The following CAPZB variants were observed in gnomAD, a reference collection of about 807,000 sequenced individuals.
CAPZB encodes the protein F-actin-capping protein subunit beta.
Under a neutral mutation model 38.1 loss-of-function variants are expected in CAPZB, and 2 were observed. That is an observed-to-expected ratio of 0.05 (90% CI 0.02 to 0.17). CAPZB has a LOEUF of 0.17. Ranked by LOEUF, CAPZB falls within the 10% of genes least tolerant of loss-of-function variation. The pLI is 1.00. For synonymous variants in CAPZB, 107 were observed against 127.4 expected (o/e 0.84, Z 1.08); for missense variants, 161 against 334.2 (o/e 0.48, Z 4.04).
intron 1 of CAPZB, among the ~76,000 whole-genome samples, chr1:19,440,782 C>T (rs1005985025): frequency 1.9e-4 from 29 of 152,200 alleles, no homozygotes; most frequent in Admixed American, 1.8e-3. Context: ...GCTGCTAGGC[C>T]GGGCGCGGTG....
intron 4 of CAPZB, among the ~76,000 whole-genome samples, chr1:19,371,020 C>T (rs2094117000): frequency 6.6e-6 from 1 of 152,214 alleles, no homozygotes; most frequent in Non-Finnish European, 1.5e-5. Flanking sequence ...ATGACACCAT[C>T]CCCGGCAGGT....
intron 1 of CAPZB, among the ~76,000 whole-genome samples, chr1:19,461,514 GA>G (rs1321453082): frequency 2.0e-5 from 3 of 152,210 alleles, no homozygotes; most frequent in Admixed American, 2.0e-4. Context: ...GAATATGCAT[GA>G]GGGGCATGAG....
chr1:19,447,272 CTT>C (rs35692222), intron 1 of CAPZB, among the ~76,000 whole-genome samples: 5 of 74,872 alleles, frequency 6.7e-5, no homozygotes, highest in Admixed American at 3.8e-4. Flanking sequence ...CAGACCTAAT[CTT>C]TTTTTTTTTT....
intron 1 of CAPZB, among the ~76,000 whole-genome samples, chr1:19,431,922 T>G (rs1374935697): frequency 6.7e-6 from 1 of 148,158 alleles, no homozygotes; most frequent in Non-Finnish European, 1.5e-5. Flanking sequence ...ACAAAAAACT[T>G]TTTAAATTAG....
intron 2 of CAPZB, among the ~76,000 whole-genome samples, chr1:19,398,392 GC>G (rs1349520976): frequency 6.6e-6 from 1 of 152,196 alleles, no homozygotes; most frequent in East Asian, 1.9e-4. Context: ...CGGAGGTCTG[GC>G]TTCCTCCAAC....
intron 2 of CAPZB, among the ~76,000 whole-genome samples, chr1:19,416,165 T>C (rs1193717164): frequency 6.6e-6 from 1 of 152,250 alleles, no homozygotes; most frequent in Non-Finnish European, 1.5e-5. Flanking sequence ...GTCTAGTTCT[T>C]GCTTTTAAAT....
At chr1:19,414,611 G>C (rs565377352) in intron 2 of CAPZB, among the ~76,000 whole-genome samples, 3 of 152,314 alleles carry the variant, frequency 2.0e-5, no homozygotes, top group African/African-American at 7.2e-5. Flanking sequence ...GCTATTTTTG[G>C]TTTGCTCTTA....
Position 19,356,768 on chromosome 1 carries a change from G to A in CAPZB, c.472-17C>T, listed in dbSNP as rs868786703. On this transcript the variant is annotated splice_polypyrimidine_tract_variant and intron_variant, in intron 5 of 8. Coordinates refer to ENST00000264202, the MANE Select transcript of CAPZB (RefSeq NM_004930.5). The surrounding 1 kb of genome is among the most constrained non-coding windows in gnomAD (Gnocchi z 4.3). The stretch of plus-strand genomic sequence containing the variant: ...GGATTTCTCCTGGAAGGACAAGACA[G>A]AGATCTGTTGAGCTGAGGGAGAGCC... 6.4e-7 allele frequency: 1 copy of A among 1,569,190 alleles called. No individual in the cohort carries two copies. The highest frequency in any genetic ancestry group is 1.1e-5 in the South Asian group (1 of 89,938).
chr1:19,485,529 G>C lies in CAPZB; in HGVS notation c.-91C>G. ...GCGCTTCCACTTCCCCGGGTGCCCAGGAGTGAACATCCGGGTCAGCACCCC... is the reference window on the plus strand; with the variant it reads ...GCGCTTCCACTTCCCCGGGTGCCCACGAGTGAACATCCGGGTCAGCACCCC... On this transcript the variant is annotated 5_prime_UTR_variant, in exon 1 of 9. Coordinates refer to ENST00000264202, the MANE Select transcript of CAPZB (RefSeq NM_004930.5). 9.2e-7 allele frequency: 1 copy of C among 1,083,954 alleles called. No homozygotes were observed. Among genetic ancestry groups the C allele is most frequent in the African/African-American group, 1.6e-5 (1 of 61,406 alleles). The allele number at this position is 1,083,954 out of a possible 1,614,324, so 67.1% of individuals were successfully genotyped here.
At chr1:19,353,749 C>T (rs1001608993) in intron 6 of CAPZB, among the ~76,000 whole-genome samples, 1 of 152,266 alleles carries the variant, frequency 6.6e-6, no homozygotes, top group African/African-American at 2.4e-5. Flanking sequence ...AGTGAACACA[C>T]CCCAGTGGCC....
chr1:19,443,169 T>C (rs2094484236), intron 1 of CAPZB, among the ~76,000 whole-genome samples: 1 of 151,948 alleles, frequency 6.6e-6, no homozygotes, highest in South Asian at 2.1e-4. Flanking sequence ...GGAGGATGGC[T>C]TGAGCCCAGG....
At chr1:19,385,664 A>C (rs1308822294) in intron 2 of CAPZB, 38 bp from the exon 3 acceptor site, 1 of 1,614,064 alleles carries the variant, frequency 6.2e-7, no homozygotes, top group Non-Finnish European at 8.5e-7. Context: ...ACAGAGGTTA[A>C]AACAGCACAC....
chr1:19,402,547 C>T (rs2094308740), intron 2 of CAPZB, among the ~76,000 whole-genome samples: 1 of 152,210 alleles, frequency 6.6e-6, no homozygotes, highest in Non-Finnish European at 1.5e-5. Context: ...ACTCAAAGCT[C>T]ACTAGACACC....
chr1:19,448,207 C>T (rs1323409051), intron 1 of CAPZB, among the ~76,000 whole-genome samples: 1 of 152,272 alleles, frequency 6.6e-6, no homozygotes, highest in Non-Finnish European at 1.5e-5. Context: ...CCGCTGCGCA[C>T]ATCCCAAATA....
chr1:19,470,515 A>G (rs1244686192), intron 1 of CAPZB, among the ~76,000 whole-genome samples: 1 of 152,236 alleles, frequency 6.6e-6, no homozygotes, highest in Non-Finnish European at 1.5e-5. Context: ...GGATGTTCAA[A>G]GATGAGCTTT....
chr1:19,367,000 T>C (rs1263962617), intron 4 of CAPZB, among the ~76,000 whole-genome samples: 2 of 152,198 alleles, frequency 1.3e-5, no homozygotes, highest in African/African-American at 4.8e-5. Context: ...CAGAGGGGCA[T>C]CCAAAACCTG....
intron 1 of CAPZB, among the ~76,000 whole-genome samples, chr1:19,462,682 C>T (rs1453986601): frequency 6.6e-6 from 1 of 152,156 alleles, no homozygotes; most frequent in Non-Finnish European, 1.5e-5. Context: ...TGCTTCAAAA[C>T]AGTTAAAAAC....
At chr1:19,362,376 C>T (rs1029454897) in intron 4 of CAPZB, among the ~76,000 whole-genome samples, 4 of 152,086 alleles carry the variant, frequency 2.6e-5, no homozygotes, top group African/African-American at 9.7e-5. Flanking sequence ...AGCTGGGATT[C>T]CAGGGGTCTG....
chr1:19,467,975 C>T (rs1166431788), intron 1 of CAPZB, among the ~76,000 whole-genome samples: 7 of 152,154 alleles, frequency 4.6e-5, no homozygotes, highest in African/African-American at 1.2e-4. Context: ...CAGTGGCTCA[C>T]GCCTGTAATC....
Sources: allele counts gnomAD v4.1 joint callset (sites outside exome capture counted in the v4.1 genomes callset), GRCh38; gene constraint gnomAD v4.1.1; non-coding constraint Gnocchi (gnomAD v3.1); transcripts MANE v1.5; gene names NCBI Gene and HGNC (gene_info 2026-07-23, HGNC 2026-07-21).